Variants in SHISA9 observed in about 807,000 individuals in gnomAD.
SHISA9 encodes shisa family member 9.
SHISA9 carries 13 observed loss-of-function variants against 38.0 expected under a neutral mutation model. The ratio of observed to expected loss-of-function variants is 0.34; its 90% confidence interval spans 0.22 to 0.54. The LOEUF is 0.54. Among genes scored for constraint, SHISA9 ranks in the 20% least tolerant of loss-of-function variants. The pLI is 0.91. For synonymous variants in SHISA9, 275 were observed against 242.0 expected, an observed-to-expected ratio of 1.14 and a Z score of -1.27; for missense variants, 538 against 575.8, an observed-to-expected ratio of 0.93 and a Z score of 0.67.
the SHISA9 span, among the ~76,000 whole-genome samples, chr16:13,541,254 G>A: frequency 2.9e-3 from 435 of 152,204 alleles, 1 homozygote; most frequent in African/African-American, 9.6e-3. Flanking sequence ...AAACAGTAGT[G>A]GCTCCAGAAT....
At chr16:13,155,601 TG>T (rs2050537767) in intron 2 of SHISA9, among the ~76,000 whole-genome samples, 2 of 151,850 alleles carry the variant, frequency 1.3e-5, no homozygotes, top group Non-Finnish European at 2.9e-5. Flanking sequence ...TGTGTGTGTG[TG>T]TGTCTGTGTG....
intron 3 of SHISA9, among the ~76,000 whole-genome samples, chr16:13,204,364 G>A (rs144130318): frequency 0.011 from 1,645 of 152,170 alleles, 27 homozygotes; most frequent in African/African-American, 0.037. Context: ...AGGGTGGCTG[G>A]GCGAGGGGCA....
At chr16:13,326,288 T>C in the SHISA9 span, among the ~76,000 whole-genome samples, 1 of 152,134 alleles carries the variant, frequency 6.6e-6, no homozygotes, top group South Asian at 2.1e-4. Context: ...CTAAGAATAA[T>C]GTTGACAATA....
At chr16:13,027,339 A>T (rs1014484884) in intron 2 of SHISA9, among the ~76,000 whole-genome samples, 1 of 152,200 alleles carries the variant, frequency 6.6e-6, no homozygotes, top group Non-Finnish European at 1.5e-5. Context: ...CCAGGAATCT[A>T]GCTAGTTAGA....
At chr16:13,114,898 AACTC>A (rs2074015697) in intron 2 of SHISA9, among the ~76,000 whole-genome samples, 1 of 107,728 alleles carries the variant, frequency 9.3e-6, no homozygotes, top group South Asian at 3.7e-4. Flanking sequence ...TATTACATCT[AACTC>A]CATCCATCCA....
At chr16:13,293,334 G>T in the SHISA9 span, among the ~76,000 whole-genome samples, 5 of 152,138 alleles carry the variant, frequency 3.3e-5, no homozygotes, top group Admixed American at 3.3e-4. Context: ...CATGTTCTTT[G>T]CTCCCTATGG....
At chr16:13,209,297 G>A (rs577609393) in intron 3 of SHISA9, among the ~76,000 whole-genome samples, 2 of 152,230 alleles carry the variant, frequency 1.3e-5, no homozygotes, top group Non-Finnish European at 2.9e-5. Context: ...CATTTTGAGG[G>A]AGAAAGGGTT....
intron 2 of SHISA9, among the ~76,000 whole-genome samples, chr16:13,200,645 C>T (rs1176725784): frequency 1.2e-5 from 1 of 80,536 alleles, no homozygotes; most frequent in Non-Finnish European, 2.7e-5. Context: ...TTATCAACAC[C>T]TTTTCTACTG....
the SHISA9 span, among the ~76,000 whole-genome samples, chr16:13,534,627 C>T: frequency 6.6e-6 from 1 of 152,230 alleles, no homozygotes; most frequent in Non-Finnish European, 1.5e-5. Flanking sequence ...CAATCTTTGA[C>T]ACATTTGACC....
chr16:13,465,171 C>T, the SHISA9 span, among the ~76,000 whole-genome samples: 2 of 152,296 alleles, frequency 1.3e-5, no homozygotes, highest in Admixed American at 1.3e-4. Flanking sequence ...ATTTGCAGAG[C>T]ATTTAGCAAC....
At chr16:13,172,117 A>T (rs1000528394) in intron 2 of SHISA9, among the ~76,000 whole-genome samples, 1 of 151,726 alleles carries the variant, frequency 6.6e-6, no homozygotes, top group Non-Finnish European at 1.5e-5. Context: ...AGCTAACTGA[A>T]TATATCTTGC....
the SHISA9 span, among the ~76,000 whole-genome samples, chr16:13,379,256 T>G: frequency 6.6e-6 from 1 of 152,212 alleles, no homozygotes; most frequent in Non-Finnish European, 1.5e-5. Flanking sequence ...AAGTTCACAT[T>G]CATCTTATTT....
chr16:13,256,565 C>T, the SHISA9 span, among the ~76,000 whole-genome samples: 1 of 152,220 alleles, frequency 6.6e-6, no homozygotes, highest in Non-Finnish European at 1.5e-5. Context: ...CAGGCGTGAG[C>T]CACTGCACCT....
At chr16:13,547,187 T>C in the SHISA9 span, among the ~76,000 whole-genome samples, 1 of 152,326 alleles carries the variant, frequency 6.6e-6, no homozygotes, top group South Asian at 2.1e-4. Context: ...TGCTCAGTAA[T>C]TGGTGAATGC....
At chr16:13,226,461 T>G (rs2051280652) in intron 4 of SHISA9, among the ~76,000 whole-genome samples, 1 of 152,228 alleles carries the variant, frequency 6.6e-6, no homozygotes, top group Admixed American at 6.5e-5. Context: ...TTAGATGGCC[T>G]GAGGATCCCT....
the SHISA9 span, among the ~76,000 whole-genome samples, chr16:13,411,294 T>G: frequency 6.6e-6 from 1 of 152,220 alleles, no homozygotes; most frequent in Non-Finnish European, 1.5e-5. Context: ...GCCCAAATTT[T>G]GTGTGAATCA....
the SHISA9 span, among the ~76,000 whole-genome samples, chr16:13,276,126 T>C: frequency 6.6e-6 from 1 of 152,080 alleles, no homozygotes; most frequent in Non-Finnish European, 1.5e-5. Context: ...CTTATGCTTT[T>C]GCATCCTTAT....
At chr16:13,029,939 A>C (rs1438815608) in intron 2 of SHISA9, among the ~76,000 whole-genome samples, 3 of 152,172 alleles carry the variant, frequency 2.0e-5, no homozygotes, top group Non-Finnish European at 4.4e-5. Context: ...AATTTATTCA[A>C]GCTCTCTAAG....
the SHISA9 span, among the ~76,000 whole-genome samples, chr16:13,441,302 G>C: frequency 6.6e-6 from 1 of 152,308 alleles, no homozygotes; most frequent in East Asian, 1.9e-4. Context: ...CTGTCAGGAG[G>C]TTCCTGGAGT....
Sources: gnomAD v4.1 joint callset for allele counts (sites outside exome capture counted in the v4.1 genomes callset) on GRCh38, gnomAD v4.1.1 for gene constraint, MANE v1.5 for transcripts, NCBI Gene and HGNC (gene_info 2026-07-23, HGNC 2026-07-21) for gene names.